Variants in USP32 observed in about 807,000 individuals in gnomAD.
USP32 encodes the protein ubiquitin specific peptidase 32.
Under a neutral mutation model 204.8 loss-of-function variants are expected in USP32, and 59 were observed. That is an observed-to-expected ratio of 0.29 (90% CI 0.23 to 0.36). The LOEUF (loss-of-function observed/expected upper bound fraction) is 0.36. Ranked by LOEUF, USP32 falls within the 10% of genes least tolerant of loss-of-function variation. USP32 has a pLI of 1.00. For missense variants in USP32, 1,160 were observed against 1,946.4 expected (o/e 0.60, Z 7.60); for synonymous variants, 517 against 678.4 (o/e 0.76, Z 3.70).
intron 6 of USP32, among the ~76,000 whole-genome samples, chr17:60,270,661 T>A (rs909499545): frequency 2.0e-5 from 3 of 151,852 alleles, no homozygotes; most frequent in East Asian, 3.9e-4. Context: ...CTGTCTCTAC[T>A]AAAAACACAA....
In USP32 at chr17:60,177,840, C is replaced by G. The variant is rs2084003794; in HGVS notation, c.*1415G>C. On this transcript the variant is annotated 3_prime_UTR_variant, in exon 34 of 34. Transcript: ENST00000300896. Reference sequence around the variant, plus strand: ...ACTTAGTTACATTGGTAATTACTATCTATGAGGAAGAAAGGGTAGTGGAAT... The same window carrying G: ...ACTTAGTTACATTGGTAATTACTATGTATGAGGAAGAAAGGGTAGTGGAAT... Among the ~76,000 whole-genome samples, 1 of 152,030 alleles carries G rather than the reference C, an allele frequency of 6.6e-6. No homozygotes were observed.
chr17:60,268,121 A>T (rs1401321906), intron 7 of USP32, among the ~76,000 whole-genome samples: 1 of 152,106 alleles, frequency 6.6e-6, no homozygotes, highest in African/African-American at 2.4e-5. Context: ...AACAATTTTA[A>T]CTCTTTAATG....
At chr17:60,255,039 A>G in intron 10 of USP32, 136 bp downstream of exon 10, 1 of 581,986 alleles carries the variant, frequency 1.7e-6, no homozygotes, top group Non-Finnish European at 2.9e-6. Flanking sequence ...TCAGACGAGT[A>G]ATGTAGTTCT....
At chr17:60,421,821 C>T (rs2090119836) in intron 1 of USP32, 10 of 980,104 alleles carry the variant, frequency 1.0e-5, no homozygotes, top group Non-Finnish European at 1.1e-5. Context: ...GGACTTTCGC[C>T]GACACCCGGC....
intron 2 of USP32, among the ~76,000 whole-genome samples, chr17:60,322,945 A>G (rs6503960): frequency 0.13 from 19,342 of 152,116 alleles, 2,557 homozygotes; most frequent in African/African-American, 0.33. Context: ...TCAAAACCAC[A>G]ATGAGACACA....
chr17:60,192,008 C>T lies in USP32; in HGVS notation c.3521+836G>A, dbSNP rs147310540. 1.0e-4 allele frequency among the ~76,000 whole-genome samples: 15 copies of T among 149,980 alleles called. No homozygotes were observed. The East Asian group carries it at 1.2e-3, about 12-fold the overall frequency. On this transcript the variant is annotated intron_variant, in intron 28 of 33. Transcript: ENST00000300896. ...TTAGAACTGGCAAACTTATATTTAA[C>T]GAGAGGCTTGGCGTGGTGGCTCACA...
chr17:60,394,152 G>T (rs530957476), upstream of USP32, among the ~76,000 whole-genome samples: 12 of 152,316 alleles, frequency 7.9e-5, no homozygotes, highest in African/African-American at 2.9e-4. Flanking sequence ...ACATTTCAAA[G>T]CCTTTAATTT....
At chr17:60,356,894 G>GA (rs1332551200) in intron 1 of USP32, among the ~76,000 whole-genome samples, 1 of 150,446 alleles carries the variant, frequency 6.6e-6, no homozygotes, top group Non-Finnish European at 1.5e-5. Flanking sequence ...GTTCAAAGAA[G>GA]AAAAAAAAAC....
intron 1 of USP32, among the ~76,000 whole-genome samples, chr17:60,380,961 A>G (rs2089636927): frequency 2.0e-5 from 3 of 152,224 alleles, no homozygotes; most frequent in Admixed American, 2.0e-4. Context: ...AGGAGGCATT[A>G]TTTATAACCC....
At chr17:60,319,469 A>T (rs2088061336) in intron 2 of USP32, among the ~76,000 whole-genome samples, 1 of 152,168 alleles carries the variant, frequency 6.6e-6, no homozygotes, top group South Asian at 2.1e-4. Flanking sequence ...GAGTATAATA[A>T]ACACTTAGAT....
intron 1 of USP32, among the ~76,000 whole-genome samples, chr17:60,414,855 CT>C (rs778384707): frequency 0.02 from 2,688 of 133,378 alleles, 50 homozygotes; most frequent in African/African-American, 0.053. Flanking sequence ...TTCTTTCTTT[CT>C]TTTTTTTTTT....
chr17:60,180,679 G>A (rs755705557), intron 32 of USP32, 42 bp from the exon 33 acceptor site: 4 of 1,582,410 alleles, frequency 2.5e-6, no homozygotes, highest in African/African-American at 2.7e-5. Flanking sequence ...GCAGTTAACT[G>A]TACTATGGCC....
chr17:60,269,389 A>G (rs2086673655), intron 7 of USP32, 61 bp downstream of exon 7: 1 of 1,264,530 alleles, frequency 7.9e-7, no homozygotes, highest in Admixed American at 2.2e-5. Flanking sequence ...TTTTACATTG[A>G]TGAAAACTGA....
chr17:60,263,136 T>C (rs1328513368), intron 9 of USP32, among the ~76,000 whole-genome samples: 2 of 152,036 alleles, frequency 1.3e-5, no homozygotes, highest in Admixed American at 6.6e-5. Context: ...TTTTTAGAGA[T>C]AGAGTCTCGT....
chr17:60,270,170 A>G (rs1249098731), intron 6 of USP32, among the ~76,000 whole-genome samples: 9 of 152,248 alleles, frequency 5.9e-5, no homozygotes, highest in East Asian at 3.8e-4. Context: ...TCGTAAAAAA[A>G]AGAAATGAAA....
At chr17:60,333,168 T>G (rs748432076) in intron 2 of USP32, among the ~76,000 whole-genome samples, 1 of 152,180 alleles carries the variant, frequency 6.6e-6, no homozygotes, top group Non-Finnish European at 1.5e-5. Flanking sequence ...GAGTATAACT[T>G]TGGACTCCAG....
At chr17:60,296,746 G>A (rs1444533116) in intron 3 of USP32, among the ~76,000 whole-genome samples, 2 of 152,160 alleles carry the variant, frequency 1.3e-5, no homozygotes, top group Non-Finnish European at 2.9e-5. Flanking sequence ...ATTAGTTACA[G>A]AACCCCCAAG....
chr17:60,379,914 A>G (rs2089617863), intron 1 of USP32, among the ~76,000 whole-genome samples: 1 of 152,200 alleles, frequency 6.6e-6, no homozygotes, highest in African/African-American at 2.4e-5. Flanking sequence ...AAACAGTCCA[A>G]TGTGGTTTTA....
chr17:60,260,823 T>C (rs1458786199), intron 9 of USP32, among the ~76,000 whole-genome samples: 2 of 152,132 alleles, frequency 1.3e-5, no homozygotes, highest in Non-Finnish European at 2.9e-5. Flanking sequence ...TCTCCTACAC[T>C]TGATAGTAGT....
Sources: gnomAD v4.1 joint callset for allele counts (sites outside exome capture counted in the v4.1 genomes callset) on GRCh38, gnomAD v4.1.1 for gene constraint, MANE v1.5 for transcripts, NCBI Gene and HGNC (gene_info 2026-07-23, HGNC 2026-07-21) for gene names.